ANXA5: variants seen among roughly 807,000 people sequenced by gnomAD.
The protein encoded by ANXA5 is CBP-I.
Under a neutral mutation model 48.1 loss-of-function variants are expected in ANXA5, and 40 were observed. That is an observed-to-expected ratio of 0.83 (90% CI 0.65 to 1.08). The LOEUF (loss-of-function observed/expected upper bound fraction) is 1.08, where lower values mean the gene tolerates loss of function less well. ANXA5 is among the 50% of genes least tolerant of loss of function. The pLI, the probability that ANXA5 is intolerant of heterozygous loss-of-function variation, is 0.00. For synonymous variants in ANXA5, 113 were observed against 129.1 expected (o/e 0.88, Z 0.85); for missense variants, 357 against 376.8 (o/e 0.95, Z 0.44).
chr4:121,677,875 A>G lies in ANXA5; in HGVS notation c.531+19T>C. The G allele has an allele frequency of 6.2e-7, 1 of 1,601,916 alleles. No homozygotes were observed. The highest frequency in any genetic ancestry group is 8.6e-7 in the Non-Finnish European group (1 of 1,169,428). ...ATTTCTACAGCATAATAAAGTCATC[A>G]TATCCTGGTGTCACTCACCTGAGCA... On this transcript the variant is annotated intron_variant, in intron 8 of 12. Transcript: ENST00000296511.
chr4:121,686,494 A>C (rs534008849), intron 2 of ANXA5, 122 bp from the exon 3 acceptor site: 1 of 747,702 alleles, frequency 1.3e-6, no homozygotes. Context: ...ACCATTTGAT[A>C]AGATTTGTGA....
chr4:121,683,699 T>C (rs2110486067), intron 4 of ANXA5, among the ~76,000 whole-genome samples: 1 of 152,240 alleles, frequency 6.6e-6, no homozygotes, highest in East Asian at 1.9e-4. Flanking sequence ...AAGATATTTG[T>C]TTCTAAAAGA....
intron 10 of ANXA5, among the ~76,000 whole-genome samples, chr4:121,671,069 AAAAT>A (rs1482401726): frequency 6.6e-6 from 1 of 152,218 alleles, no homozygotes. Flanking sequence ...ATATTTAATT[AAAAT>A]AAAACTAAAT....
intron 7 of ANXA5, 43 bp from the exon 8 acceptor site, chr4:121,677,993 C>T: frequency 2.0e-6 from 3 of 1,533,380 alleles, no homozygotes; most frequent in Non-Finnish European, 2.7e-6. Flanking sequence ...ATAGAGCATT[C>T]TCATTCAAAA....
In ANXA5 at chr4:121,678,482, C is replaced by T. The variant is rs567626342; in HGVS notation, c.407G>A (p.Ser136Asn). 9.7e-5 allele frequency: 156 copies of T among 1,613,534 alleles called. 3 individuals are homozygous for T. In the South Asian group the frequency reaches 1.4e-3, roughly 15 times the overall value. The stretch of plus-strand genomic sequence containing the variant: ...GTCCCCCACCACGTCATCTTCCAGG[C>T]TTGAGCCATATTCTGCAACAAAATA... ...KQVYEEEYGS[S>N]LEDDVVGDTS... The change falls in exon 7 of 13, where the codon AGC becomes AAC. Residue 136 changes from serine to asparagine, a missense_variant. Transcript: ENST00000296511.
chr4:121,678,295 G>GT, intron 7 of ANXA5, 120 bp downstream of exon 7: 2 of 787,792 alleles, frequency 2.5e-6, no homozygotes, highest in Non-Finnish European at 4.1e-6. Context: ...AATCATCGCA[G>GT]TAAGAATCAG....
intron 4 of ANXA5, among the ~76,000 whole-genome samples, chr4:121,684,228 T>A (rs1410473899): frequency 6.6e-6 from 1 of 151,616 alleles, no homozygotes; most frequent in Non-Finnish European, 1.5e-5. Flanking sequence ...TTCAAATAAA[T>A]TTTTTTGAAT....
At chr4:121,693,502 T>C (rs576916059) in intron 2 of ANXA5, among the ~76,000 whole-genome samples, 38 of 152,344 alleles carry the variant, frequency 2.5e-4, no homozygotes, top group African/African-American at 8.4e-4. Flanking sequence ...AGCACTGTTA[T>C]ATTTTTACCA....
chr4:121,687,974 A>G (rs920652878), intron 2 of ANXA5, among the ~76,000 whole-genome samples: 9 of 152,160 alleles, frequency 5.9e-5, no homozygotes, highest in Admixed American at 1.3e-4. Flanking sequence ...CTCAAAATTC[A>G]TATGTTGAAA....
chr4:121,683,273 A>T, intron 5 of ANXA5, 91 bp downstream of exon 5: 1 of 741,820 alleles, frequency 1.3e-6, no homozygotes, highest in Non-Finnish European at 2.0e-6. Context: ...ATCAGATAAA[A>T]TTTTTTAAAT....
chr4:121,689,558 A>C (rs1724947465), intron 2 of ANXA5, among the ~76,000 whole-genome samples: 5 of 152,220 alleles, frequency 3.3e-5, no homozygotes, highest in Admixed American at 2.6e-4. Flanking sequence ...GTTGCCTGTG[A>C]ATTTGCCAGG....
intron 6 of ANXA5, 44 bp downstream of exon 6, chr4:121,681,627 G>A (rs369377725): frequency 7.6e-7 from 1 of 1,320,082 alleles, no homozygotes; most frequent in African/African-American, 1.5e-5. Flanking sequence ...AATGAAGGAA[G>A]TGATAGTGGA....
chr4:121,682,413 C>A (rs549045973), intron 5 of ANXA5, among the ~76,000 whole-genome samples: 3 of 151,998 alleles, frequency 2.0e-5, no homozygotes, highest in Non-Finnish European at 2.9e-5. Context: ...AACGATATAG[C>A]TGGACTTAAT....
intron 8 of ANXA5, among the ~76,000 whole-genome samples, chr4:121,672,998 A>G (rs1015569093): frequency 2.0e-5 from 3 of 152,244 alleles, no homozygotes; most frequent in African/African-American, 7.2e-5. Flanking sequence ...AAAGGATTTA[A>G]CTGGAAGCTA....
intron 1 of ANXA5, 24 bp from the exon 2 acceptor site, chr4:121,696,648 G>A (rs1009020579): frequency 2.0e-5 from 26 of 1,329,986 alleles, no homozygotes; most frequent in Non-Finnish European, 2.3e-5. Context: ...GAAACCTCGG[G>A]CTTAGCGCGC....
At chr4:121,672,486 TCCAAATTTA>T in intron 9 of ANXA5, 38 bp downstream of exon 9, 1 of 1,398,204 alleles carries the variant, frequency 7.2e-7, no homozygotes, top group East Asian at 2.3e-5. Context: ...TCATGCACTT[TCCAAATTTA>T]CCAATGTATC....
At chr4:121,680,312 G>A (rs1270128619) in intron 6 of ANXA5, among the ~76,000 whole-genome samples, 1 of 151,932 alleles carries the variant, frequency 6.6e-6, no homozygotes, top group East Asian at 1.9e-4. Context: ...CTATTCATCT[G>A]TCAATGGACA....
At chr4:121,674,309 G>C (rs1219543036) in intron 8 of ANXA5, among the ~76,000 whole-genome samples, 4 of 144,828 alleles carry the variant, frequency 2.8e-5, no homozygotes, top group Admixed American at 1.4e-4. Flanking sequence ...GAAATGGGAG[G>C]GGAAGGAAAG....
intron 4 of ANXA5, 76 bp downstream of exon 4, chr4:121,684,601 T>C (rs1324716809): frequency 3.3e-6 from 4 of 1,199,284 alleles, no homozygotes; most frequent in African/African-American, 1.5e-5. Context: ...TACAAAAGAA[T>C]ATCAGTATAT....
Sources: allele counts gnomAD v4.1 joint callset (sites outside exome capture counted in the v4.1 genomes callset), GRCh38; gene constraint gnomAD v4.1.1; transcripts MANE v1.5; gene names NCBI Gene and HGNC (gene_info 2026-07-23, HGNC 2026-07-21).